The following DNAJC12 variants were observed in gnomAD, a reference collection of about 807,000 sequenced individuals.
DNAJC12 encodes the protein dnaJ homolog subfamily C member 12.
Under a neutral mutation model 28.5 loss-of-function variants are expected in DNAJC12, and 25 were observed. The observed-to-expected ratio is 0.88, with a 90% confidence interval of 0.64 to 1.22. The LOEUF is 1.22. Among genes scored for constraint, DNAJC12 ranks in the 50% most tolerant of loss-of-function variants. DNAJC12 has a pLI of 0.00. For synonymous variants in DNAJC12, 77 were observed against 80.6 expected (o/e 0.95, Z 0.24); for missense variants, 222 against 231.7 (o/e 0.96, Z 0.27).
rs2273772 is a variant in DNAJC12 at position 67,838,066 on chromosome 10, C to T, written c.-55G>A. 35,096 of 1,203,786 alleles carry T rather than the reference C, an allele frequency of 0.029. 4,219 individuals carry two copies. In the East Asian group the frequency reaches 0.4, roughly 14 times the overall value. The allele number at this position is 1,203,786 out of a possible 1,614,324, so 74.6% of individuals were successfully genotyped here. ...CGGAAACAAGAGGCACAGTGAGCTT[C>T]GAATTAACAGGAAGAAACTCTTTAA... On this transcript the variant is annotated 5_prime_UTR_variant, in exon 1 of 5. Transcript: ENST00000225171.
intron 4 of DNAJC12, among the ~76,000 whole-genome samples, chr10:67,798,869 G>A (rs1841707969): frequency 2.0e-5 from 3 of 150,516 alleles, no homozygotes; most frequent in South Asian, 4.2e-4. Flanking sequence ...GGGTTCAAGC[G>A]ATTCTCCTGC....
At chr10:67,807,751 C>A (rs1283549629) in intron 3 of DNAJC12, among the ~76,000 whole-genome samples, 1 of 152,188 alleles carries the variant, frequency 6.6e-6, no homozygotes, top group African/African-American at 2.4e-5. Flanking sequence ...GTACTTCTCT[C>A]TTGAAATCAA....
chr10:67,828,069 G>A lies in DNAJC12; in HGVS notation c.79-4677C>T, dbSNP rs376847462. 5.5e-4 allele frequency among the ~76,000 whole-genome samples: 84 copies of A among 152,242 alleles called. 4 individuals carry two copies. In the East Asian group the frequency reaches 0.016, roughly 29 times the overall value. The stretch of plus-strand genomic sequence containing the variant: ...CTGCCTTCCTGACCCAAGTCCAGTA[G>A]GCTGCAAAACTGCCTACCCTGTTGT... On this transcript the variant is annotated intron_variant, in intron 1 of 4. Coordinates refer to ENST00000225171, the MANE Select transcript of DNAJC12 (RefSeq NM_021800.3).
At chr10:67,822,049 A>G (rs1403337706) in intron 2 of DNAJC12, among the ~76,000 whole-genome samples, 1 of 152,204 alleles carries the variant, frequency 6.6e-6, no homozygotes, top group East Asian at 1.9e-4. Context: ...AGTCAAAACC[A>G]CAGTCTTAAG....
chr10:67,836,250 C>T (rs1253404067), intron 1 of DNAJC12, among the ~76,000 whole-genome samples: 1 of 151,628 alleles, frequency 6.6e-6, no homozygotes, highest in Non-Finnish European at 1.5e-5. Flanking sequence ...CTAATGTATG[C>T]GGGGCTTAAA....
In DNAJC12 at chr10:67,797,201, T is replaced by A; in HGVS notation, c.512A>T (p.Asp171Val). The change falls in exon 5 of 5, where the codon GAT (aspartate) becomes GTT (valine). Residue 171 changes from aspartate to valine, a missense_variant. Asp to Val is a radical substitution (Grantham distance 152). Transcript: ENST00000225171. ...GAAACGAAGGTGCCAACCATTCACATCTGCAAAACCTTTAAAGGAAAGAAA... is the reference window on the plus strand; with the variant it reads ...GAAACGAAGGTGCCAACCATTCACAACTGCAAAACCTTTAAAGGAAAGAAA... ...PQNSDSSGFADVNGWHLRFRW... is the reference protein window; with the variant it reads ...PQNSDSSGFAVVNGWHLRFRW... 1 of 1,613,500 alleles carries A rather than the reference T, an allele frequency of 6.2e-7. No homozygotes were observed. The highest frequency in any genetic ancestry group is 8.5e-7 in the Non-Finnish European group (1 of 1,179,680).
At chr10:67,818,314 TTAAA>T (rs766291007) in intron 2 of DNAJC12, among the ~76,000 whole-genome samples, 60 of 152,322 alleles carry the variant, frequency 3.9e-4, no homozygotes, top group African/African-American at 7.2e-4. Flanking sequence ...AAACGGATGC[TTAAA>T]TAGATTAAAA....
intron 3 of DNAJC12, chr10:67,811,096 G>A (rs1159488912): frequency 5.8e-6 from 1 of 171,316 alleles, no homozygotes; most frequent in African/African-American, 2.4e-5. Context: ...GGCTTTCTCT[G>A]ACTAATCAGA....
intron 4 of DNAJC12, among the ~76,000 whole-genome samples, chr10:67,801,836 C>CTTTT (rs577511924): frequency 0.022 from 565 of 26,208 alleles, 50 homozygotes; most frequent in Middle Eastern, 0.05. Flanking sequence ...CCACTTCATT[C>CTTTT]TTTTTTTTTT....
intron 4 of DNAJC12, among the ~76,000 whole-genome samples, chr10:67,801,615 C>A (rs999088190): frequency 6.6e-6 from 1 of 151,648 alleles, no homozygotes; most frequent in Admixed American, 6.6e-5. Flanking sequence ...CATGGTGAAA[C>A]CCCATCTCTA....
intron 1 of DNAJC12, among the ~76,000 whole-genome samples, chr10:67,829,043 C>T (rs927831262): frequency 1.3e-5 from 2 of 152,130 alleles, no homozygotes; most frequent in African/African-American, 4.8e-5. Flanking sequence ...TGCCAAACTT[C>T]ACCCTCACAA....
chr10:67,809,034 C>T (rs1841833130), intron 3 of DNAJC12, among the ~76,000 whole-genome samples: 3 of 152,200 alleles, frequency 2.0e-5, no homozygotes, highest in Non-Finnish European at 4.4e-5. Flanking sequence ...CCACACGAGG[C>T]TGACCCAACA....
intron 2 of DNAJC12, among the ~76,000 whole-genome samples, chr10:67,816,698 A>G (rs1438858328): frequency 6.6e-6 from 1 of 152,112 alleles, no homozygotes; most frequent in Non-Finnish European, 1.5e-5. Flanking sequence ...GGCACCCGCC[A>G]CCACACTCAG....
chr10:67,819,228 G>T (rs1331637957), intron 2 of DNAJC12, among the ~76,000 whole-genome samples: 1 of 152,102 alleles, frequency 6.6e-6, no homozygotes, highest in African/African-American at 2.4e-5. Context: ...AGCTACTCGG[G>T]AGGCTGAGGC....
chr10:67,824,855 T>A (rs1262386297), intron 1 of DNAJC12, among the ~76,000 whole-genome samples: 1 of 152,158 alleles, frequency 6.6e-6, no homozygotes, highest in Non-Finnish European at 1.5e-5. Context: ...TGCCTCAGCC[T>A]CCCAAGTAGC....
chr10:67,821,109 G>A (rs1045813938), intron 2 of DNAJC12, among the ~76,000 whole-genome samples: 3 of 152,220 alleles, frequency 2.0e-5, no homozygotes, highest in Admixed American at 1.3e-4. Flanking sequence ...AAATAAAGAA[G>A]AGTTTGGATT....
At chr10:67,828,677 T>TCG (rs1842061815) in intron 1 of DNAJC12, among the ~76,000 whole-genome samples, 1 of 147,470 alleles carries the variant, frequency 6.8e-6, no homozygotes, top group Non-Finnish European at 1.5e-5. Flanking sequence ...TCTCTCTCTA[T>TCG]ATATATATAT....
intron 3 of DNAJC12, among the ~76,000 whole-genome samples, chr10:67,806,208 A>T (rs200476858): frequency 1.3e-5 from 2 of 152,194 alleles, no homozygotes; most frequent in Non-Finnish European, 2.9e-5. Context: ...TTAAAACCTC[A>T]TCGGGATATT....
chr10:67,828,206 C>T (rs954447031), intron 1 of DNAJC12, among the ~76,000 whole-genome samples: 7 of 152,138 alleles, frequency 4.6e-5, no homozygotes, highest in African/African-American at 1.7e-4. Flanking sequence ...AACATTCATG[C>T]TCTGCTGGCG....
Sources: gnomAD v4.1 joint callset for allele counts (sites outside exome capture counted in the v4.1 genomes callset) on GRCh38, gnomAD v4.1.1 for gene constraint, MANE v1.5 for transcripts, NCBI Gene and HGNC (gene_info 2026-07-23, HGNC 2026-07-21) for gene names.